Variants in MARCHF4 observed in about 807,000 individuals in gnomAD.
MARCHF4 encodes the protein E3 ubiquitin-protein ligase MARCHF4.
MARCHF4 carries 14 observed loss-of-function variants against 43.9 expected under a neutral mutation model. The observed-to-expected ratio is 0.32, with a 90% CI of 0.21 to 0.50. The LOEUF (loss-of-function observed/expected upper bound fraction) is 0.50. Among genes scored for constraint, MARCHF4 ranks in the 20% least tolerant of loss-of-function variants. MARCHF4 has a pLI of 0.98. For synonymous variants in MARCHF4, 226 were observed against 213.3 expected, an observed-to-expected ratio of 1.06 and a Z score of -0.52; for missense variants, 468 against 536.7, an observed-to-expected ratio of 0.87 and a Z score of 1.27.
At chr2:216,353,671 C>G (rs967246737) in intron 1 of MARCHF4, among the ~76,000 whole-genome samples, 2 of 152,220 alleles carry the variant, frequency 1.3e-5, no homozygotes, top group Admixed American at 6.5e-5. Context: ...CCTCAGCCTC[C>G]TGAGTAGCTG....
intron 1 of MARCHF4, among the ~76,000 whole-genome samples, chr2:216,338,266 C>T (rs1692186829): frequency 1.3e-5 from 2 of 152,174 alleles, no homozygotes; most frequent in Non-Finnish European, 2.9e-5. Flanking sequence ...TCACTCCTTG[C>T]CTTGTCCTCT....
At chr2:216,305,000 C>T (rs1256958466) in intron 1 of MARCHF4, among the ~76,000 whole-genome samples, 1 of 152,086 alleles carries the variant, frequency 6.6e-6, no homozygotes, top group African/African-American at 2.4e-5. Context: ...TCATTCAATT[C>T]AGCATGCAAG....
At chr2:216,352,014 G>A (rs1261898463) in intron 1 of MARCHF4, among the ~76,000 whole-genome samples, 1 of 152,204 alleles carries the variant, frequency 6.6e-6, no homozygotes, top group African/African-American at 2.4e-5. Context: ...TATGGGGTAT[G>A]TGCTGCATTT....
intron 1 of MARCHF4, among the ~76,000 whole-genome samples, chr2:216,354,915 CTTTCTTT>C (rs1692464750): frequency 3.0e-5 from 3 of 98,550 alleles, no homozygotes; most frequent in Admixed American, 1.1e-4. Flanking sequence ...TTCTTTCTTT[CTTTCTTT>C]CTTTCTTTCT....
chr2:216,369,980 C>G lies in MARCHF4; in HGVS notation c.281G>C (p.Arg94Pro). 6.4e-7 allele frequency: 1 copy of G among 1,552,924 alleles called. No individual in the cohort carries two copies. The highest frequency in any genetic ancestry group is 8.7e-7 in the Non-Finnish European group (1 of 1,145,766). The stretch of plus-strand genomic sequence containing the variant: ...AGGGGGCTCCCTGCCCACCACTTCT[C>G]GGGGGCCCCTCCAGCCTGCCCACCC... The part of the protein sequence containing the change: ...AGGWAGWRGP[R>P]EVVGREPPPV... The change falls in exon 1 of 4, where the codon CGA becomes CCA. Residue 94 changes from arginine to proline, a missense_variant. Coordinates refer to ENST00000273067, the MANE Select transcript of MARCHF4 (RefSeq NM_020814.3).
intron 1 of MARCHF4, among the ~76,000 whole-genome samples, chr2:216,299,173 T>C (rs1691445171): frequency 6.6e-6 from 1 of 151,602 alleles, no homozygotes; most frequent in Non-Finnish European, 1.5e-5. Context: ...GCTGCAGGAT[T>C]GGGGAATAGC....
At chr2:216,341,761 C>T (rs1202602018) in intron 1 of MARCHF4, among the ~76,000 whole-genome samples, 1 of 152,152 alleles carries the variant, frequency 6.6e-6, no homozygotes, top group African/African-American at 2.4e-5. Context: ...AGCACAGTCC[C>T]AGGGTCTCCC....
intron 1 of MARCHF4, among the ~76,000 whole-genome samples, chr2:216,300,288 AT>A (rs1187659288): frequency 6.7e-6 from 1 of 148,564 alleles, no homozygotes; most frequent in Admixed American, 6.7e-5. Flanking sequence ...CATCATTTGA[AT>A]TTTTTCTTAA....
intron 1 of MARCHF4, among the ~76,000 whole-genome samples, chr2:216,355,027 A>G (rs920360616): frequency 6.8e-6 from 1 of 146,580 alleles, no homozygotes; most frequent in Non-Finnish European, 1.5e-5. Flanking sequence ...GCTAGAGTGC[A>G]GTGGTGCGAT....
chr2:216,356,264 C>A (rs1273591920), intron 1 of MARCHF4, among the ~76,000 whole-genome samples: 1 of 152,190 alleles, frequency 6.6e-6, no homozygotes, highest in Non-Finnish European at 1.5e-5. Context: ...CTTTCCTGGC[C>A]CCTCAACACT....
chr2:216,351,400 C>T (rs894877096), intron 1 of MARCHF4: 1 of 152,574 alleles, frequency 6.6e-6, no homozygotes, highest in African/African-American at 2.4e-5. Flanking sequence ...TGCCAAGAAG[C>T]TTGGCTGGTC....
At chr2:216,283,522 T>G in intron 2 of MARCHF4, 52 bp downstream of exon 2, 1 of 1,524,486 alleles carries the variant, frequency 6.6e-7, no homozygotes, top group South Asian at 1.3e-5. Context: ...CTAAAGCAGG[T>G]GGTGTGGAAG....
chr2:216,303,833 G>T lies in MARCHF4; in HGVS notation c.517-20104C>A, dbSNP rs567690279. ...ATTTTATAAATTATACAAAGGTTCT[G>T]TAGATGAAAAGCAACACCAGATTCC... On this transcript the variant is annotated intron_variant, in intron 1 of 3. Coordinates refer to ENST00000273067, the MANE Select transcript of MARCHF4 (RefSeq NM_020814.3). Among the ~76,000 whole-genome samples the T allele has an allele frequency of 2.4e-3, 359 of 152,312 alleles. 2 individuals carry two copies. The highest frequency in any genetic ancestry group is 3.7e-3 in the Non-Finnish European group (254 of 68,030).
At chr2:216,360,974 C>T (rs1382883599) in intron 1 of MARCHF4, among the ~76,000 whole-genome samples, 5 of 152,084 alleles carry the variant, frequency 3.3e-5, no homozygotes, top group African/African-American at 1.2e-4. Context: ...GCCACTGTAC[C>T]TGGCCAAAGT....
chr2:216,336,692 A>C (rs1471302315), intron 1 of MARCHF4, among the ~76,000 whole-genome samples: 1 of 147,050 alleles, frequency 6.8e-6, no homozygotes, highest in African/African-American at 2.5e-5. Flanking sequence ...GTGTTGGTAA[A>C]TTCACCCAAA....
intron 3 of MARCHF4, among the ~76,000 whole-genome samples, chr2:216,274,292 A>G (rs1690987635): frequency 6.6e-6 from 1 of 152,164 alleles, no homozygotes; most frequent in Non-Finnish European, 1.5e-5. Context: ...TTGCCATCCC[A>G]GAGGCTGTGG....
chr2:216,289,383 A>T (rs1177687835), intron 1 of MARCHF4, among the ~76,000 whole-genome samples: 2 of 152,046 alleles, frequency 1.3e-5, no homozygotes, highest in Non-Finnish European at 2.9e-5. Flanking sequence ...AGTTTCTCCC[A>T]CATGATACAC....
At chr2:216,349,980 C>T (rs1692375304) in intron 1 of MARCHF4, among the ~76,000 whole-genome samples, 2 of 152,134 alleles carry the variant, frequency 1.3e-5, no homozygotes, top group South Asian at 4.1e-4. Context: ...CTAACATGCT[C>T]AGGGGCCTCT....
chr2:216,268,297 C>T (rs984142458), intron 3 of MARCHF4, among the ~76,000 whole-genome samples: 5 of 152,146 alleles, frequency 3.3e-5, no homozygotes, highest in Non-Finnish European at 5.9e-5. Flanking sequence ...TGTCCAAGGC[C>T]ATAGAGGTGA....
Sources: gnomAD v4.1 joint callset for allele counts (sites outside exome capture counted in the v4.1 genomes callset) on GRCh38, gnomAD v4.1.1 for gene constraint, MANE v1.5 for transcripts, NCBI Gene and HGNC (gene_info 2026-07-23, HGNC 2026-07-21) for gene names.